PAX2: variants seen among roughly 807,000 people sequenced by gnomAD.
PAX2 encodes the protein paired box protein Pax-2.
A neutral mutation model predicts 41.7 loss-of-function variants in PAX2; 9 were observed. The observed-to-expected ratio is 0.22, with a 90% confidence interval of 0.13 to 0.38. The LOEUF (loss-of-function observed/expected upper bound fraction) is 0.38, where lower values mean the gene tolerates loss of function less well. PAX2 is among the 10% of genes least tolerant of loss of function. The probability of loss-of-function intolerance (pLI) is 1.00; values close to 1 mark genes in which losing one functional copy is unlikely to be tolerated. For missense variants in PAX2, 418 were observed against 531.6 expected, an observed-to-expected ratio of 0.79 and a Z score of 2.10; for synonymous variants, 221 against 212.7, an observed-to-expected ratio of 1.04 and a Z score of -0.34.
At position 100,748,775 on chromosome 10, in the gene PAX2, T is replaced by G; in HGVS notation, c.44-971T>G. The G allele has an allele frequency of 2.0e-6, 2 of 985,292 alleles. No individual in the cohort carries two copies. Among genetic ancestry groups the G allele is most frequent in the Non-Finnish European group, 2.4e-6 (2 of 829,918 alleles). 61.0% of individuals were successfully genotyped at this position (985,292 alleles called of 1,614,324 possible). On this transcript the variant is annotated intron_variant, in intron 1 of 9. Coordinates refer to ENST00000355243, the MANE Select transcript of PAX2 (RefSeq NM_000278.5). This position sits in a 1 kb window ranked among gnomAD's most constrained non-coding sequence, Gnocchi z 5.0. ...CCGAAAGAGCAAAAGCCCGAGCCGC[T>G]CGGTTTCCTGGGGGGGCTGCCGAGG...
intron 5 of PAX2, among the ~76,000 whole-genome samples, chr10:100,793,215 G>A (rs757682995): frequency 1.8e-4 from 28 of 152,220 alleles, no homozygotes; most frequent in Non-Finnish European, 2.1e-4. Flanking sequence ...AGGGTCCCAG[G>A]AGCTAGACGC....
intron 1 of PAX2, among the ~76,000 whole-genome samples, chr10:100,746,812 G>A (rs1845195699): frequency 6.6e-6 from 1 of 152,196 alleles, no homozygotes; most frequent in African/African-American, 2.4e-5. Flanking sequence ...GACTCCAAGA[G>A]TATTCAGCCT....
At chr10:100,807,268 C>T (rs959884241) in intron 6 of PAX2, among the ~76,000 whole-genome samples, 2 of 152,148 alleles carry the variant, frequency 1.3e-5, no homozygotes, top group Non-Finnish European at 2.9e-5. Context: ...TGCATGTGCT[C>T]ACACTCCACC....
intron 3 of PAX2, among the ~76,000 whole-genome samples, chr10:100,773,052 C>G (rs1420369305): frequency 6.6e-6 from 1 of 152,188 alleles, no homozygotes; most frequent in Non-Finnish European, 1.5e-5. Flanking sequence ...CTTTGGGTGT[C>G]TCTCCCCTGG....
At chr10:100,811,889 C>T (rs1004269167) in intron 7 of PAX2, among the ~76,000 whole-genome samples, 1 of 152,206 alleles carries the variant, frequency 6.6e-6, no homozygotes, top group African/African-American at 2.4e-5. Context: ...CGGCTGCAAA[C>T]CTTAGGGGAT....
chr10:100,743,159 C>T (rs921472293), upstream of PAX2, among the ~76,000 whole-genome samples: 1 of 152,030 alleles, frequency 6.6e-6, no homozygotes, highest in Non-Finnish European at 1.5e-5. Flanking sequence ...GCTGGGGAGA[C>T]GATCCCAGGA....
upstream of PAX2, among the ~76,000 whole-genome samples, chr10:100,742,613 A>G (rs954621501): frequency 6.6e-6 from 1 of 152,122 alleles, no homozygotes; most frequent in East Asian, 1.9e-4. Flanking sequence ...CAACTCCCCA[A>G]AAGTTTATTT....
intron 5 of PAX2, among the ~76,000 whole-genome samples, chr10:100,783,290 C>G (rs145747955): frequency 3.5e-4 from 54 of 152,332 alleles, no homozygotes; most frequent in African/African-American, 1.2e-3. Context: ...CCTTAAGGAG[C>G]TTACATTCTA....
chr10:100,804,069 G>A (rs1220252427), intron 5 of PAX2, among the ~76,000 whole-genome samples: 2 of 152,050 alleles, frequency 1.3e-5, no homozygotes, highest in East Asian at 3.8e-4. Flanking sequence ...AGTTCATTTC[G>A]CCGGCCTCTG....
At position 100,808,374 on chromosome 10, in the gene PAX2, C is replaced by A. The variant is rs942961669; in HGVS notation, c.793-736C>A. 3.3e-5 allele frequency among the ~76,000 whole-genome samples: 5 copies of A among 152,206 alleles called. No individual in the cohort carries two copies. In the South Asian group the frequency reaches 6.2e-4, roughly 19 times the overall value. ...GAAGCGGAAGGGAAAAAAACAGACC[C>A]GAAAGAGCAGGAAATCAGTTTTAAT... On this transcript the variant is annotated intron_variant, in intron 6 of 9. Coordinates refer to ENST00000355243, the MANE Select transcript of PAX2 (RefSeq NM_000278.5).
intron 3 of PAX2, among the ~76,000 whole-genome samples, chr10:100,763,200 G>A (rs1183706904): frequency 6.6e-6 from 1 of 152,130 alleles, no homozygotes; most frequent in East Asian, 1.9e-4. Context: ...AAATTCATGA[G>A]CACTTGCTGA....
intron 4 of PAX2, among the ~76,000 whole-genome samples, chr10:100,780,336 C>T (rs1384225225): frequency 6.6e-6 from 1 of 152,212 alleles, no homozygotes; most frequent in African/African-American, 2.4e-5. Flanking sequence ...TTCCCTCTGG[C>T]CCAAGGAGAA....
At chr10:100,747,825 C>T (rs958847759) in intron 1 of PAX2, 1 of 984,904 alleles carries the variant, frequency 1.0e-6, no homozygotes, top group African/African-American at 1.8e-5. Flanking sequence ...CGGGTCCACA[C>T]GCCGTTTTCG....
In PAX2 at chr10:100,827,708, C is replaced by G; in HGVS notation, c.*89C>G. Reference sequence around the variant, plus strand: ...ACCCCACCCCGGAGGGAGGGAGGACCGACGCGACGCGATGCCTCCCGGCCA... The same window carrying G: ...ACCCCACCCCGGAGGGAGGGAGGACGGACGCGACGCGATGCCTCCCGGCCA... On this transcript the variant is annotated 3_prime_UTR_variant, in exon 10 of 10. Transcript: ENST00000355243. The surrounding 1 kb of genome is among the most constrained non-coding windows in gnomAD (Gnocchi z 8.5). 2 of 1,609,000 alleles carry G rather than the reference C, an allele frequency of 1.2e-6. No individual in the cohort carries two copies. Among genetic ancestry groups the G allele is most frequent in the Non-Finnish European group, 1.7e-6 (2 of 1,177,332 alleles).
intron 3 of PAX2, among the ~76,000 whole-genome samples, chr10:100,778,602 C>T (rs1367798478): frequency 6.6e-6 from 1 of 152,158 alleles, no homozygotes; most frequent in Non-Finnish European, 1.5e-5. Flanking sequence ...CCAAAGGCCC[C>T]TCATTTGACC....
At chr10:100,739,550 C>G (rs940869627) in intron 1 of PAX2, among the ~76,000 whole-genome samples, 2 of 152,234 alleles carry the variant, frequency 1.3e-5, no homozygotes, top group Admixed American at 6.5e-5. Context: ...CAGCGCGGCC[C>G]GGTCGCGCGC....
rs1201078720 is a variant in PAX2, at chr10:100,779,535, A to G, written c.448A>G (p.Thr150Ala). Reference sequence around the variant, plus strand: ...CAAAGTTCAGCAGCCTTTCCACCCAACGCCGGATGGGGCTGGGACAGGAGT... The same window carrying G: ...CAAAGTTCAGCAGCCTTTCCACCCAGCGCCGGATGGGGCTGGGACAGGAGT... ...RTKVQQPFHP[T>A]PDGAGTGVTA... The change falls in exon 4 of 10, where the codon ACG (threonine) becomes GCG (alanine). Residue 150 changes from threonine to alanine, a missense_variant. By Grantham distance (58) the Thr-to-Ala change is moderately conservative (BLOSUM62 0). Transcript: ENST00000355243. The G allele has an allele frequency of 1.9e-6, 3 of 1,597,660 alleles. No individual in the cohort carries two copies. The highest frequency in any genetic ancestry group is 1.1e-5 in the South Asian group (1 of 87,432).
In PAX2 at chr10:100,778,926, G is replaced by A. The variant is rs889360337; in HGVS notation, c.411-572G>A. On this transcript the variant is annotated intron_variant, in intron 3 of 9. Coordinates refer to ENST00000355243, the MANE Select transcript of PAX2 (RefSeq NM_000278.5). ...CTGACATCTGGCAAAGGGACTGTGT[G>A]CTGTGTTGGAGTCCTGGGGACAAAA... 9.2e-5 allele frequency among the ~76,000 whole-genome samples: 14 copies of A among 152,330 alleles called. No individual in the cohort carries two copies. In the South Asian group the frequency reaches 1.0e-3, roughly 11 times the overall value.
rs537699626 is a variant in PAX2 at position 100,795,414 on chromosome 10, G to A, written c.617-11016G>A. ...CAAGGCATGAAGTCATATGATGAACGAAAAAAACAAAGGAGCAGTTGCTTC... is the reference window on the plus strand; with the variant it reads ...CAAGGCATGAAGTCATATGATGAACAAAAAAAACAAAGGAGCAGTTGCTTC... On this transcript the variant is annotated intron_variant, in intron 5 of 9. Coordinates refer to ENST00000355243, the MANE Select transcript of PAX2 (RefSeq NM_000278.5). Among the ~76,000 whole-genome samples the A allele has an allele frequency of 5.2e-4, 79 of 152,174 alleles. 2 individuals carry two copies. The highest frequency in any genetic ancestry group is 8.8e-5 in the Non-Finnish European group (6 of 67,990).
Sources: allele counts gnomAD v4.1 joint callset (sites outside exome capture counted in the v4.1 genomes callset), GRCh38; gene constraint gnomAD v4.1.1; non-coding constraint Gnocchi (gnomAD v3.1); transcripts MANE v1.5; gene names NCBI Gene and HGNC (gene_info 2026-07-23, HGNC 2026-07-21).